The following DLGAP1 variants were observed in gnomAD, a reference collection of about 807,000 sequenced individuals.
The protein encoded by DLGAP1 is disks large-associated protein 1.
In DLGAP1, 11 loss-of-function variants were observed where a neutral mutation model predicts 90.8. That is an observed-to-expected ratio of 0.12 (90% confidence interval 0.08 to 0.20). The LOEUF (loss-of-function observed/expected upper bound fraction) is 0.20. Among genes scored for constraint, DLGAP1 ranks in the 10% least tolerant of loss-of-function variants. The pLI, the probability that DLGAP1 is intolerant of heterozygous loss-of-function variation, is 1.00. For missense variants in DLGAP1, 1,050 were observed against 1,333.8 expected (o/e 0.79, Z 3.31); for synonymous variants, 558 against 540.7 (o/e 1.03, Z -0.44).
chr18:4,261,686 C>T (rs754256154), intron 1 of DLGAP1, among the ~76,000 whole-genome samples: 6 of 152,064 alleles, frequency 3.9e-5, no homozygotes, highest in Non-Finnish European at 5.9e-5. Context: ...GACTGTCTTC[C>T]GTAGCTGGTG....
At chr18:3,925,910 T>C (rs927002554) in intron 3 of DLGAP1, among the ~76,000 whole-genome samples, 2 of 152,090 alleles carry the variant, frequency 1.3e-5, no homozygotes, top group African/African-American at 4.8e-5. Context: ...TTTATCACAC[T>C]GAGTTTTAGG....
chr18:3,939,322 G>A lies in DLGAP1; in HGVS notation c.-72-59182C>T, dbSNP rs189810828. On this transcript the variant is annotated intron_variant, in intron 3 of 12. Transcript: ENST00000315677. ...TAACCCCAGCTACTCAGAAGGCTGA[G>A]GCACAAATCACTTGAACCTGGAAGG... Among the ~76,000 whole-genome samples the A allele has an allele frequency of 9.3e-5, 14 of 150,932 alleles. No homozygotes were observed. In the South Asian group the frequency reaches 1.5e-3, roughly 16 times the overall value.
chr18:4,371,141 C>T (rs1032818080), intron 1 of DLGAP1, among the ~76,000 whole-genome samples: 2 of 152,200 alleles, frequency 1.3e-5, no homozygotes, highest in African/African-American at 2.4e-5. Flanking sequence ...GTCTTAAGTA[C>T]ATTTGCAGGT....
intron 6 of DLGAP1, among the ~76,000 whole-genome samples, chr18:3,731,253 A>G (rs1358216717): frequency 6.6e-6 from 1 of 152,258 alleles, no homozygotes; most frequent in East Asian, 1.9e-4. Context: ...CAAACTTTAC[A>G]AAGAGATAGC....
At chr18:4,402,890 TAC>T (rs1465475258) in intron 1 of DLGAP1, among the ~76,000 whole-genome samples, 5 of 152,168 alleles carry the variant, frequency 3.3e-5, no homozygotes, top group Non-Finnish European at 7.4e-5. Context: ...ATGGAGATTG[TAC>T]AGATTTATAG....
chr18:3,982,328 G>A (rs575193250), intron 3 of DLGAP1, among the ~76,000 whole-genome samples: 1 of 152,234 alleles, frequency 6.6e-6, no homozygotes, highest in South Asian at 2.1e-4. Flanking sequence ...AGCTACTTCG[G>A]CACACTTATA....
intron 7 of DLGAP1, among the ~76,000 whole-genome samples, chr18:3,701,993 T>C (rs1254197476): frequency 6.6e-6 from 1 of 152,198 alleles, no homozygotes; most frequent in African/African-American, 2.4e-5. Context: ...TGTATACATT[T>C]ATGTTATTCT....
At chr18:4,248,926 T>G (rs34619405) in intron 1 of DLGAP1, among the ~76,000 whole-genome samples, 36,992 of 152,186 alleles carry the variant, frequency 0.24, 5,021 homozygotes, top group Non-Finnish European at 0.3. Context: ...TGCCTTGAAT[T>G]GGTCAGGCAC....
At chr18:4,424,227 G>C (rs2083103855) in intron 1 of DLGAP1, among the ~76,000 whole-genome samples, 1 of 152,148 alleles carries the variant, frequency 6.6e-6, no homozygotes, top group East Asian at 1.9e-4. Context: ...ACTGGGCATA[G>C]TGGAAGTTGG....
At chr18:4,178,947 A>G (rs2077162937) in intron 1 of DLGAP1, among the ~76,000 whole-genome samples, 1 of 152,178 alleles carries the variant, frequency 6.6e-6, no homozygotes, top group East Asian at 1.9e-4. Context: ...TATTCATAAC[A>G]TTTTTATTTA....
At chr18:4,275,375 A>T (rs895352251) in intron 1 of DLGAP1, 2 of 152,150 alleles carry the variant, frequency 1.3e-5, no homozygotes, top group African/African-American at 4.8e-5. Context: ...TTACTTCTCA[A>T]ACAGGTATGC....
chr18:4,386,563 G>A (rs1393367351), intron 1 of DLGAP1, among the ~76,000 whole-genome samples: 1 of 152,208 alleles, frequency 6.6e-6, no homozygotes, highest in African/African-American at 2.4e-5. Flanking sequence ...AGCTGTAGTT[G>A]TATAGCCAGT....
intron 1 of DLGAP1, among the ~76,000 whole-genome samples, chr18:4,448,735 T>C (rs1422387162): frequency 6.6e-6 from 1 of 152,080 alleles, no homozygotes; most frequent in African/African-American, 2.4e-5. Context: ...ACACTACATG[T>C]CTGGCCAGAA....
intron 2 of DLGAP1, among the ~76,000 whole-genome samples, chr18:4,144,953 A>G (rs2076560412): frequency 6.6e-6 from 1 of 152,202 alleles, no homozygotes; most frequent in Admixed American, 6.5e-5. Flanking sequence ...AATAAACTCT[A>G]TTATACTCTT....
chr18:4,157,565 C>A (rs1002825776), intron 1 of DLGAP1, among the ~76,000 whole-genome samples: 5 of 152,164 alleles, frequency 3.3e-5, no homozygotes, highest in African/African-American at 1.2e-4. Context: ...AGAGGGAAGA[C>A]CCCATGCTCA....
intron 7 of DLGAP1, among the ~76,000 whole-genome samples, chr18:3,699,994 A>T (rs952490825): frequency 6.6e-6 from 1 of 152,184 alleles, no homozygotes; most frequent in African/African-American, 2.4e-5. Flanking sequence ...CAAGCGTCCC[A>T]GGTGGACTTC....
intron 5 of DLGAP1, among the ~76,000 whole-genome samples, chr18:3,762,159 T>C (rs183920214): frequency 4.6e-4 from 70 of 152,310 alleles, no homozygotes; most frequent in Non-Finnish European, 4.1e-4. Flanking sequence ...TGAAAAACAG[T>C]AATAGAATTA....
chr18:4,288,516 A>C (rs2079762205), intron 1 of DLGAP1, among the ~76,000 whole-genome samples: 2 of 152,298 alleles, frequency 1.3e-5, no homozygotes, highest in South Asian at 4.1e-4. Context: ...GCTCCAGTTA[A>C]AAATATGTAT....
At chr18:4,218,474 A>ATT (rs943231621) in intron 1 of DLGAP1, among the ~76,000 whole-genome samples, 2 of 151,988 alleles carry the variant, frequency 1.3e-5, no homozygotes, top group African/African-American at 4.8e-5. Context: ...TGATGAAAAC[A>ATT]TTTAAACCTA....
Sources: allele counts gnomAD v4.1 joint callset (sites outside exome capture counted in the v4.1 genomes callset), GRCh38; gene constraint gnomAD v4.1.1; transcripts MANE v1.5; gene names NCBI Gene and HGNC (gene_info 2026-07-23, HGNC 2026-07-21).